The following TXLNA variants were observed in gnomAD, a reference collection of about 807,000 sequenced individuals.
TXLNA encodes alpha-taxilin.
Under a neutral mutation model 61.4 loss-of-function variants are expected in TXLNA, and 9 were observed. The ratio of observed to expected loss-of-function variants is 0.15; its 90% CI spans 0.09 to 0.26. The LOEUF (loss-of-function observed/expected upper bound fraction) is 0.26. Among genes scored for constraint, TXLNA ranks in the 10% least tolerant of loss-of-function variants. The probability of loss-of-function intolerance (pLI) is 1.00; values close to 1 mark genes in which losing one functional copy is unlikely to be tolerated. For missense variants in TXLNA, 565 were observed against 688.8 expected, an observed-to-expected ratio of 0.82 and a Z score of 2.01; for synonymous variants, 257 against 267.7, an observed-to-expected ratio of 0.96 and a Z score of 0.39.
intron 9 of TXLNA, 66 bp from the exon 10 acceptor site, chr1:32,193,999 C>T: frequency 1.1e-5 from 15 of 1,340,738 alleles, no homozygotes; most frequent in Non-Finnish European, 1.4e-5. Context: ...GCAGTCCCCA[C>T]CTTGGAGACA....
chr1:32,180,602 G>A (rs950906036), intron 2 of TXLNA, 88 bp downstream of exon 2: 2 of 1,456,326 alleles, frequency 1.4e-6, no homozygotes, highest in Non-Finnish European at 1.8e-6. Flanking sequence ...AGGCCAGGTT[G>A]TCCGGGAGGA....
chr1:32,188,092 C>G lies in TXLNA; in HGVS notation c.736C>G (p.Arg246Gly), dbSNP rs1006584186. The G allele has an allele frequency of 6.3e-6, 10 of 1,578,896 alleles. No homozygotes were observed. The highest frequency in any genetic ancestry group is 8.6e-6 in the Non-Finnish European group (10 of 1,161,474). Residue 246 changes from arginine (R) to glycine (G), a missense_variant, in exon 5 of 11, where the codon CGT becomes GGT. Transcript: ENST00000373610. ...LARSKLESLC[R>G]ELQRHNRSLK... ...CCGCAGCAAGCTTGAGAGCCTATGC[C>G]GTGAGCTGCAGCGGCACAACCGCTC...
Position 32,181,227 on chromosome 1 carries a change from C to T in TXLNA, c.170-15C>T, listed in dbSNP as rs750732776. 6.5e-7 allele frequency: 1 copy of T among 1,540,940 alleles called. No homozygotes were observed. The highest frequency in any genetic ancestry group is 2.3e-5 in the East Asian group (1 of 43,998). ...TCTTCTTTCTCACTCTACCCCTCAT[C>T]CTCTCCTGCTGTAGGGGCTCAAGCC... On this transcript the variant is annotated splice_polypyrimidine_tract_variant and intron_variant, in intron 2 of 10. Coordinates refer to ENST00000373610, the MANE Select transcript of TXLNA (RefSeq NM_175852.4).
intron 4 of TXLNA, among the ~76,000 whole-genome samples, chr1:32,185,416 G>A (rs182243161): frequency 2.0e-4 from 30 of 150,866 alleles, no homozygotes; most frequent in African/African-American, 6.3e-4. Context: ...TTTTTGAGAC[G>A]GGGTCTTGCT....
chr1:32,194,373 G>A (rs1208922806), intron 10 of TXLNA, among the ~76,000 whole-genome samples: 2 of 152,100 alleles, frequency 1.3e-5, no homozygotes, highest in Non-Finnish European at 2.9e-5. Flanking sequence ...GGGAGCAAAT[G>A]GAAGAAAGGA....
At position 32,195,612 on chromosome 1, in the gene TXLNA, G is replaced by T. The variant is rs1643002181; in HGVS notation, c.*417G>T. 2.4e-6 allele frequency: 1 copy of T among 413,708 alleles called. No homozygotes were observed. Among genetic ancestry groups the T allele is most frequent in the African/African-American group, 2.1e-5 (1 of 48,250 alleles). 25.6% of individuals were successfully genotyped at this position (413,708 alleles called of 1,614,324 possible). A position where few individuals can be genotyped will look rare whatever the true frequency, so the allele number is the denominator to read the frequency against. The stretch of plus-strand genomic sequence containing the variant: ...AAGACAAGTAATACACCCAGGTCTT[G>T]ACTGCATTTGTCTTGTGAGCAGGGC... On this transcript the variant is annotated 3_prime_UTR_variant, in exon 11 of 11. Coordinates refer to ENST00000373610, the MANE Select transcript of TXLNA (RefSeq NM_175852.4).
intron 4 of TXLNA, 45 bp from the exon 5 acceptor site, chr1:32,187,909 A>T (rs757547537): frequency 1.9e-4 from 296 of 1,594,464 alleles, no homozygotes; most frequent in Non-Finnish European, 2.3e-4. Context: ...CCCACCAGGA[A>T]GGCCCCACAA....
chr1:32,182,082 G>A (rs964042037), intron 3 of TXLNA, among the ~76,000 whole-genome samples: 1 of 149,242 alleles, frequency 6.7e-6, no homozygotes, highest in African/African-American at 2.5e-5. Flanking sequence ...AAAACTACAG[G>A]CTGGGTGCAG....
At chr1:32,182,661 CAAAAAAAAAA>C (rs781479181) in intron 3 of TXLNA, among the ~76,000 whole-genome samples, 218 of 88,460 alleles carry the variant, frequency 2.5e-3, no homozygotes, top group Admixed American at 3.9e-3. Context: ...AACTCTGTCT[CAAAAAAAAAA>C]AAAAAGAATC....
intron 9 of TXLNA, among the ~76,000 whole-genome samples, chr1:32,193,516 T>G (rs1642950613): frequency 6.7e-6 from 1 of 149,382 alleles, no homozygotes; most frequent in Non-Finnish European, 1.5e-5. Context: ...TGTTTGGTTT[T>G]TTTGGGGGGT....
Position 32,192,508 on chromosome 1 carries a change from T to TATC in TXLNA, c.1083+80_1083+81insCAT. The TATC allele has an allele frequency of 6.3e-7, 1 of 1,599,772 alleles. No homozygotes were observed. Among genetic ancestry groups the TATC allele is most frequent in the Non-Finnish European group, 8.5e-7 (1 of 1,170,454 alleles). ...TCTGGCTCAGCTCATAGCCGGGTTA[T>TATC]ATGGGAGAAGTCTGGCCAGACCAGG... On this transcript the variant is annotated intron_variant, in intron 7 of 10. Coordinates refer to ENST00000373610, the MANE Select transcript of TXLNA (RefSeq NM_175852.4). This position sits in a 1 kb window ranked among gnomAD's most constrained non-coding sequence, Gnocchi z 4.2.
chr1:32,181,367 G>A lies in TXLNA; in HGVS notation c.295G>A (p.Gly99Arg), dbSNP rs1166031072. 3 of 1,614,204 alleles carry A rather than the reference G, an allele frequency of 1.9e-6. No homozygotes were observed. Among genetic ancestry groups the A allele is most frequent in the Non-Finnish European group, 2.5e-6 (3 of 1,180,046 alleles). ...TAACCAGGGGGGCCCCGGCGAGGATGGGGCACAGGGTGAGCCGGCTGAACC... is the reference window on the plus strand; with the variant it reads ...TAACCAGGGGGGCCCCGGCGAGGATAGGGCACAGGGTGAGCCGGCTGAACC... The part of the protein sequence containing the change: ...DNNQGGPGED[G>R]AQGEPAEPED... Residue 99 changes from glycine to arginine, a missense_variant, in exon 3 of 11, where the codon GGG (glycine) becomes AGG (arginine). Around this residue, in one of 2 missense-constraint regions of TXLNA, gnomAD observed 192 missense variants for 184.8 expected, o/e 1.04. Coordinates refer to ENST00000373610, the MANE Select transcript of TXLNA (RefSeq NM_175852.4).
Position 32,192,590 on chromosome 1 carries a change from G to A in TXLNA, c.1084-67G>A. 6.2e-7 allele frequency: 1 copy of A among 1,605,458 alleles called. No individual in the cohort carries two copies. The highest frequency in any genetic ancestry group is 8.5e-7 in the Non-Finnish European group (1 of 1,172,752). On this transcript the variant is annotated intron_variant, in intron 7 of 10. Transcript: ENST00000373610. The surrounding 1 kb of genome is among the most constrained non-coding windows in gnomAD (Gnocchi z 4.2). ...GGAAGCCTCAGTGGGTCTGGTGCTT[G>A]TGGCTAAAAACCAAACATAGCCCCT...
Position 32,195,315 on chromosome 1 carries a change from T to C in TXLNA, c.*120T>C. ...CCAGGATGTTCTGACCTGGCTGGCA[T>C]CTGGCACTTGCAATTTTGGATTTTG... On this transcript the variant is annotated 3_prime_UTR_variant, in exon 11 of 11. Transcript: ENST00000373610. 8.1e-7 allele frequency: 1 copy of C among 1,240,474 alleles called. No individual in the cohort carries two copies. The highest frequency in any genetic ancestry group is 1.5e-5 in the African/African-American group (1 of 65,988). The allele number at this position is 1,240,474 out of a possible 1,614,324, so 76.8% of individuals were successfully genotyped here. A position where few individuals can be genotyped will look rare whatever the true frequency, so the allele number is the denominator to read the frequency against.
rs559390941 is a variant in TXLNA, at chr1:32,195,214, A to G, written c.*19A>G. The G allele has an allele frequency of 1.1e-4, 164 of 1,554,010 alleles. 1 individual carries two copies. In the South Asian group the frequency reaches 1.8e-3, roughly 17 times the overall value. On this transcript the variant is annotated 3_prime_UTR_variant, in exon 11 of 11. Transcript: ENST00000373610. Reference sequence around the variant, plus strand: ...GGCCTAGAGAGCCTGGTGTTGGGTCATGCTGGGAAGGGAGCGGCAGCCCAG... The same window carrying G: ...GGCCTAGAGAGCCTGGTGTTGGGTCGTGCTGGGAAGGGAGCGGCAGCCCAG...
rs374991249 is a variant in TXLNA at position 32,192,417 on chromosome 1, G to A, written c.1070G>A (p.Arg357Gln). 1.3e-5 allele frequency: 21 copies of A among 1,613,578 alleles called. No individual in the cohort carries two copies. Among genetic ancestry groups the A allele is most frequent in the Middle Eastern group, 1.7e-4 (1 of 6,060 alleles). The part of the protein sequence containing the change: ...MLKEAEERHQ[R>Q]EKDFLLKEAV... ...AAGGAGGCAGAAGAGCGGCACCAGC[G>A]GGAGAAGGATTTTGTGAGGCTCAGG... The change falls in exon 7 of 11, where the codon CGG becomes CAG. Residue 357 changes from arginine (R) to glutamine (Q), a missense_variant. By Grantham distance (43) the Arg-to-Gln change is conservative. Coordinates refer to ENST00000373610, the MANE Select transcript of TXLNA (RefSeq NM_175852.4). This position sits in a 1 kb window ranked among gnomAD's most constrained non-coding sequence, Gnocchi z 4.2.
chr1:32,190,647 A>G (rs1642886202), intron 6 of TXLNA, among the ~76,000 whole-genome samples: 1 of 152,192 alleles, frequency 6.6e-6, no homozygotes, highest in Non-Finnish European at 1.5e-5. Context: ...GCTTACAATG[A>G]TGCAGGTCAA....
intron 10 of TXLNA, among the ~76,000 whole-genome samples, chr1:32,194,671 T>C (rs1353181025): frequency 6.6e-6 from 1 of 152,152 alleles, no homozygotes; most frequent in Non-Finnish European, 1.5e-5. Flanking sequence ...TTTGCCAAGG[T>C]CACGTGGTAG....
chr1:32,193,342 C>A (rs772494699), intron 9 of TXLNA, 42 bp downstream of exon 9: 61 of 1,474,600 alleles, frequency 4.1e-5, no homozygotes, highest in Non-Finnish European at 5.2e-5. Flanking sequence ...GGGGCATAAG[C>A]TGCTTCATTC....
Sources: gnomAD v4.1 joint callset for allele counts (sites outside exome capture counted in the v4.1 genomes callset) on GRCh38, gnomAD v4.1.1 for gene constraint, gnomAD v4.1.1 regional missense constraint, Gnocchi (gnomAD v3.1) non-coding constraint, MANE v1.5 for transcripts, NCBI Gene and HGNC (gene_info 2026-07-23, HGNC 2026-07-21) for gene names.